USP34: variants seen among roughly 807,000 people sequenced by gnomAD.
The protein encoded by USP34 is ubiquitin carboxyl-terminal hydrolase 34.
Under a neutral mutation model 460.3 loss-of-function variants are expected in USP34, and 70 were observed. That is an observed-to-expected ratio of 0.15 (90% confidence interval 0.13 to 0.19). The LOEUF (loss-of-function observed/expected upper bound fraction) is 0.19. USP34 is among the 10% of genes least tolerant of loss of function. The pLI, the probability that USP34 is intolerant of heterozygous loss-of-function variation, is 1.00. For missense variants in USP34, 3,985 were observed against 4,236.2 expected, an observed-to-expected ratio of 0.94 and a Z score of 1.65; for synonymous variants, 1,647 against 1,405.3, an observed-to-expected ratio of 1.17 and a Z score of -3.85.
chr2:61,416,941 C>A (rs1029134220), intron 2 of USP34: 3 of 1,226,310 alleles, frequency 2.4e-6, no homozygotes, highest in African/African-American at 1.5e-5. Flanking sequence ...ATACTTGACC[C>A]CACAGCCATC....
chr2:61,235,481 A>G (rs1324845547), intron 57 of USP34, among the ~76,000 whole-genome samples: 1 of 151,868 alleles, frequency 6.6e-6, no homozygotes, highest in Non-Finnish European at 1.5e-5. Flanking sequence ...ATGTGCCACC[A>G]CACCCAGCTA....
At chr2:61,258,851 G>T (rs1326768953) in intron 44 of USP34, among the ~76,000 whole-genome samples, 1 of 152,188 alleles carries the variant, frequency 6.6e-6, no homozygotes. Context: ...CATAAAAGGG[G>T]AGGACCTTGT....
At chr2:61,209,075 C>T in intron 69 of USP34, 98 bp from the exon 70 acceptor site, 1 of 615,778 alleles carries the variant, frequency 1.6e-6, no homozygotes, top group Non-Finnish European at 2.6e-6. Context: ...CATTTAAGCT[C>T]TCTGCTTTCC....
At chr2:61,198,477 C>G (rs1282608164) in intron 75 of USP34, among the ~76,000 whole-genome samples, 1 of 151,908 alleles carries the variant, frequency 6.6e-6, no homozygotes, top group Non-Finnish European at 1.5e-5. Context: ...CAAATGGACT[C>G]TTGACTAGTA....
chr2:61,402,002 A>G (rs193039634), intron 3 of USP34, among the ~76,000 whole-genome samples: 96 of 152,050 alleles, frequency 6.3e-4, no homozygotes, highest in Middle Eastern at 3.4e-3. Flanking sequence ...CTGTAATCCC[A>G]GCACTTTGGA....
intron 1 of USP34, among the ~76,000 whole-genome samples, chr2:61,437,797 A>ATAAATAAATAAG (rs1694858018): frequency 6.7e-6 from 1 of 149,600 alleles, no homozygotes; most frequent in African/African-American, 2.4e-5. Flanking sequence ...AAATAAATAA[A>ATAAATAAATAAG]TAAATAAATA....
In USP34 at chr2:61,305,266, T is replaced by C. The variant is rs950794077; in HGVS notation, c.3818-3812A>G. On this transcript the variant is annotated intron_variant, in intron 27 of 79. Transcript: ENST00000398571. ...TTGACCCCAAAGGCGGAGGTTGCACTGAGCCGAGATTACGCCACTGCACTC... is the reference window on the plus strand; with the variant it reads ...TTGACCCCAAAGGCGGAGGTTGCACCGAGCCGAGATTACGCCACTGCACTC... Among the ~76,000 whole-genome samples the C allele has an allele frequency of 2.6e-5, 4 of 151,910 alleles. No individual in the cohort carries two copies. The East Asian group carries it at 7.7e-4, about 29-fold the overall frequency.
At chr2:61,351,650 C>A (rs1306128394) in intron 10 of USP34, among the ~76,000 whole-genome samples, 1 of 152,082 alleles carries the variant, frequency 6.6e-6, no homozygotes, top group Non-Finnish European at 1.5e-5. Flanking sequence ...ATTTTGTAGG[C>A]ATACACATAT....
In USP34 at chr2:61,228,626, A is replaced by G; in HGVS notation, c.7443+19T>C. The G allele has an allele frequency of 6.2e-7, 1 of 1,603,096 alleles. No homozygotes were observed. The highest frequency in any genetic ancestry group is 8.5e-7 in the Non-Finnish European group (1 of 1,174,330). ...AACCAGAGCCTCTAATACCTAATGT[A>G]CGATAGAACTGTACTTACATTTTCA... On this transcript the variant is annotated intron_variant, in intron 61 of 79. Coordinates refer to ENST00000398571, the MANE Select transcript of USP34 (RefSeq NM_014709.4).
At chr2:61,417,121 A>G (rs916128477) in intron 2 of USP34, 7 of 1,558,802 alleles carry the variant, frequency 4.5e-6, no homozygotes, top group Non-Finnish European at 5.2e-6. Context: ...ATGGATGGAC[A>G]TAACTTGGCC....
At chr2:61,307,408 T>C (rs1690447145) in intron 27 of USP34, among the ~76,000 whole-genome samples, 2 of 152,096 alleles carry the variant, frequency 1.3e-5, no homozygotes, top group African/African-American at 4.8e-5. Context: ...GGTACGTGTA[T>C]ACATTTGTAA....
In USP34 at chr2:61,391,967, T is replaced by C. The variant is rs1693361858; in HGVS notation, c.753+2886A>G. Among the ~76,000 whole-genome samples the C allele has an allele frequency of 4.6e-5, 7 of 152,246 alleles. 1 individual carries two copies. In the South Asian group the frequency reaches 1.5e-3, roughly 32 times the overall value. ...AGTATTACGGTGTTCAAAAAATATA[T>C]TAATTTAAATAGTATAATTTTGCTT... On this transcript the variant is annotated intron_variant, in intron 5 of 79. Transcript: ENST00000398571.
intron 5 of USP34, among the ~76,000 whole-genome samples, chr2:61,387,229 G>A (rs1296339931): frequency 6.6e-6 from 1 of 152,082 alleles, no homozygotes; most frequent in Non-Finnish European, 1.5e-5. Context: ...GGGAGGCTGA[G>A]GCAGTCAGAT....
intron 69 of USP34, among the ~76,000 whole-genome samples, chr2:61,209,345 T>TA (rs938727499): frequency 2.0e-5 from 3 of 152,208 alleles, no homozygotes; most frequent in African/African-American, 7.2e-5. Context: ...AGCTGGTAAT[T>TA]AAAAAAGAGT....
chr2:61,193,153 A>G (rs1048441154), intron 75 of USP34, 173 bp from the exon 76 acceptor site: 2 of 555,684 alleles, frequency 3.6e-6, no homozygotes, highest in African/African-American at 3.8e-5. Flanking sequence ...ATATCTTAGA[A>G]TGTGGTACTT....
chr2:61,325,249 C>T, intron 21 of USP34, 126 bp downstream of exon 21: 1 of 573,912 alleles, frequency 1.7e-6, no homozygotes. Flanking sequence ...CATACATGTG[C>T]CCACTGACTC....
chr2:61,385,077 A>G (rs906241166), intron 5 of USP34, among the ~76,000 whole-genome samples: 1 of 152,064 alleles, frequency 6.6e-6, no homozygotes, highest in African/African-American at 2.4e-5. Flanking sequence ...CACCCTATAT[A>G]TGTTCTTTTC....
At chr2:61,191,418 A>G (rs898371830) in intron 76 of USP34, 9 of 151,994 alleles carry the variant, frequency 5.9e-5, no homozygotes, top group Non-Finnish European at 1.2e-4. Flanking sequence ...GCATATGTGT[A>G]TATCTTATTA....
rs750723305 is a variant in USP34 at position 61,348,784 on chromosome 2, T to A, written c.1646A>T (p.His549Leu). Residue 549 changes from histidine to leucine, a missense_variant, in exon 14 of 80, where the codon CAT (histidine) becomes CTT (leucine). By Grantham distance (99) the His-to-Leu change is moderately conservative. This residue lies in a region of USP34 where 716 missense variants were observed against 626.2 expected (regional missense o/e 1.14). Transcript: ENST00000398571. ...TGTGTCTGAAAGTCGTTGTTGCACATGTTTGGTTCTATTAATAAGTTGCTC... is the reference window on the plus strand; with the variant it reads ...TGTGTCTGAAAGTCGTTGTTGCACAAGTTTGGTTCTATTAATAAGTTGCTC... ...MDEQLINRTK[H>L]VQQRLSDTEE... The A allele has an allele frequency of 6.2e-7, 1 of 1,613,730 alleles. No homozygotes were observed.
Sources: allele counts gnomAD v4.1 joint callset (sites outside exome capture counted in the v4.1 genomes callset), GRCh38; gene constraint gnomAD v4.1.1; regional missense constraint gnomAD v4.1.1; transcripts MANE v1.5; gene names NCBI Gene and HGNC (gene_info 2026-07-23, HGNC 2026-07-21).